The following LRRC20 variants were observed in gnomAD, a reference collection of about 807,000 sequenced individuals.
LRRC20 encodes the protein leucine rich repeat containing 20, also known as leucine-rich repeat-containing protein 20.
In LRRC20, 11 loss-of-function variants were observed where a neutral mutation model predicts 14.4. The observed-to-expected ratio is 0.77, with a 90% CI of 0.48 to 1.27. The LOEUF (loss-of-function observed/expected upper bound fraction) is 1.27. Ranked by LOEUF, LRRC20 falls within the 50% of genes most tolerant of loss-of-function variation. LRRC20 has a pLI of 0.00. For missense variants in LRRC20, 219 were observed against 251.2 expected, an observed-to-expected ratio of 0.87 and a Z score of 0.87; for synonymous variants, 121 against 107.3, an observed-to-expected ratio of 1.13 and a Z score of -0.79.
chr10:70,378,746 T>C (rs1230473896), intron 1 of LRRC20, among the ~76,000 whole-genome samples: 1 of 128,832 alleles, frequency 7.8e-6, no homozygotes, highest in Non-Finnish European at 1.6e-5. Context: ...CACTCCAGCC[T>C]GGGCAACAAA....
chr10:70,380,454 C>CTG (rs370053845), intron 1 of LRRC20, among the ~76,000 whole-genome samples: 2,268 of 152,298 alleles, frequency 0.015, 24 homozygotes, highest in Non-Finnish European at 0.022. Flanking sequence ...GCCTGAGCTC[C>CTG]TCAGGGTACC....
At chr10:70,339,089 C>T (rs770017091) in intron 3 of LRRC20, among the ~76,000 whole-genome samples, 1 of 152,218 alleles carries the variant, frequency 6.6e-6, no homozygotes, top group Non-Finnish European at 1.5e-5. Flanking sequence ...AGCAGCTTCC[C>T]AGCTGCTGCT....
At chr10:70,339,434 A>C (rs1339029887) in intron 3 of LRRC20, among the ~76,000 whole-genome samples, 2 of 152,086 alleles carry the variant, frequency 1.3e-5, no homozygotes. Context: ...GCAGGCTCTG[A>C]AGCCTGGTCT....
intron 2 of LRRC20, among the ~76,000 whole-genome samples, chr10:70,353,930 C>G (rs1487656348): frequency 6.6e-6 from 1 of 152,090 alleles, no homozygotes; most frequent in Admixed American, 6.5e-5. Flanking sequence ...TCCCATGGAA[C>G]TATATAAAAG....
intron 2 of LRRC20, among the ~76,000 whole-genome samples, chr10:70,360,483 C>T (rs1175700142): frequency 6.6e-6 from 1 of 152,170 alleles, no homozygotes; most frequent in Non-Finnish European, 1.5e-5. Flanking sequence ...ATAGCCAAGG[C>T]TGGAGTGCAG....
chr10:70,359,981 A>T (rs1225284860), intron 2 of LRRC20, among the ~76,000 whole-genome samples: 3 of 142,222 alleles, frequency 2.1e-5, no homozygotes, highest in African/African-American at 8.0e-5. Flanking sequence ...CAGTGGCGTG[A>T]TCTCGGCTCA....
chr10:70,374,434 TCCATCTCCTGGGTTCAGGC>T (rs1844429546), intron 2 of LRRC20, among the ~76,000 whole-genome samples: 2 of 149,452 alleles, frequency 1.3e-5, no homozygotes, highest in Non-Finnish European at 3.0e-5. Flanking sequence ...CACTGCAACC[TCCATCTCCTGGGTTCAGGC>T]GATTCTCCTG....
chr10:70,363,918 G>A (rs1843860744), intron 2 of LRRC20, among the ~76,000 whole-genome samples: 2 of 152,200 alleles, frequency 1.3e-5, no homozygotes, highest in African/African-American at 4.8e-5. Context: ...GTCCCCCTGG[G>A]AGAGCAGCAC....
At chr10:70,358,066 T>C (rs1843596166) in intron 2 of LRRC20, among the ~76,000 whole-genome samples, 1 of 152,154 alleles carries the variant, frequency 6.6e-6, no homozygotes, top group African/African-American at 2.4e-5. Context: ...AGGCAAAGGG[T>C]AGAGTTTGAC....
At chr10:70,322,615 ACT>A (rs1468939256) in intron 4 of LRRC20, among the ~76,000 whole-genome samples, 8 of 151,616 alleles carry the variant, frequency 5.3e-5, no homozygotes, top group Admixed American at 5.3e-4. Context: ...CTGTTTGAGG[ACT>A]CTGGTCTTGG....
intron 4 of LRRC20, 109 bp downstream of exon 4, chr10:70,323,750 TCAGA>T: frequency 8.1e-7 from 1 of 1,235,274 alleles, no homozygotes; most frequent in African/African-American, 1.5e-5. Context: ...CTCAGGCATC[TCAGA>T]CAGAAAGCCC....
intron 1 of LRRC20, among the ~76,000 whole-genome samples, chr10:70,378,369 G>A (rs10823532): frequency 0.56 from 85,168 of 151,810 alleles, 24,568 homozygotes; most frequent in Non-Finnish European, 0.62. Context: ...TCAGCCGGGC[G>A]CAGTGACTCA....
intron 2 of LRRC20, among the ~76,000 whole-genome samples, chr10:70,362,136 G>C (rs1843750693): frequency 1.3e-5 from 2 of 152,250 alleles, no homozygotes; most frequent in South Asian, 4.1e-4. Context: ...AGTGAGCTGA[G>C]ATCGTGCCAC....
chr10:70,372,647 T>C (rs1351892311), intron 2 of LRRC20, among the ~76,000 whole-genome samples: 1 of 151,982 alleles, frequency 6.6e-6, no homozygotes, highest in Non-Finnish European at 1.5e-5. Flanking sequence ...TTTCACCATG[T>C]TAGCCAGGAT....
chr10:70,352,327 A>C (rs1245886840), intron 2 of LRRC20, among the ~76,000 whole-genome samples: 1 of 152,208 alleles, frequency 6.6e-6, no homozygotes, highest in Admixed American at 6.5e-5. Flanking sequence ...GCCTTGATTT[A>C]AATCTTTCAT....
intron 4 of LRRC20, among the ~76,000 whole-genome samples, chr10:70,312,018 G>A (rs771034866): frequency 6.6e-5 from 10 of 152,314 alleles, no homozygotes; most frequent in Non-Finnish European, 1.3e-4. Flanking sequence ...TACAAACGAT[G>A]GCTCCAGAAT....
At chr10:70,326,943 G>A (rs1842351764) in intron 3 of LRRC20, among the ~76,000 whole-genome samples, 1 of 152,230 alleles carries the variant, frequency 6.6e-6, no homozygotes, top group South Asian at 2.1e-4. Context: ...ACAGGCGTGA[G>A]CCACCGCGCC....
chr10:70,343,740 T>C (rs948141804), intron 2 of LRRC20, among the ~76,000 whole-genome samples: 12 of 152,296 alleles, frequency 7.9e-5, no homozygotes, highest in African/African-American at 2.9e-4. Flanking sequence ...GAAAGAAGTT[T>C]TGTTGGAGTT....
At chr10:70,355,291 G>A (rs567780151) in intron 2 of LRRC20, among the ~76,000 whole-genome samples, 33 of 152,270 alleles carry the variant, frequency 2.2e-4, no homozygotes, top group African/African-American at 6.3e-4. Flanking sequence ...AAAAGCAGCC[G>A]GACTTGCTCC....
Sources: allele counts gnomAD v4.1 joint callset (sites outside exome capture counted in the v4.1 genomes callset), GRCh38; gene constraint gnomAD v4.1.1; transcripts MANE v1.5; gene names NCBI Gene and HGNC (gene_info 2026-07-23, HGNC 2026-07-21).